MAST4: variants seen among roughly 807,000 people sequenced by gnomAD.
The protein encoded by MAST4 is microtubule-associated serine/threonine-protein kinase 4.
A neutral mutation model predicts 162.7 loss-of-function variants in MAST4; 89 were observed. That is an observed-to-expected ratio of 0.55 (90% confidence interval 0.46 to 0.65). The LOEUF (loss-of-function observed/expected upper bound fraction) is 0.65. Ranked by LOEUF, MAST4 falls within the 30% of genes least tolerant of loss-of-function variation. The pLI is 0.00. For synonymous variants in MAST4, 1,479 were observed against 1,361.1 expected (o/e 1.09, Z -1.91); for missense variants, 3,153 against 3,374.0 (o/e 0.93, Z 1.62).
At chr5:67,080,094 G>T (rs1387501145) in intron 5 of MAST4, among the ~76,000 whole-genome samples, 3 of 152,106 alleles carry the variant, frequency 2.0e-5, no homozygotes, top group African/African-American at 7.2e-5. Context: ...CGAAGCTTTG[G>T]CTTCATTAAA....
At chr5:66,644,045 T>TA (rs1745660265) in intron 1 of MAST4, among the ~76,000 whole-genome samples, 1 of 85,722 alleles carries the variant, frequency 1.2e-5, no homozygotes, top group South Asian at 6.0e-4. Context: ...TCTGTAAGCT[T>TA]TAAAAAAAAT....
At chr5:67,048,916 G>A (rs985183749) in intron 4 of MAST4, among the ~76,000 whole-genome samples, 1 of 148,472 alleles carries the variant, frequency 6.7e-6, no homozygotes, top group African/African-American at 2.5e-5. Context: ...CCTGTTATGT[G>A]ATACTACTAG....
chr5:66,997,147 A>G (rs1750732153), intron 4 of MAST4, among the ~76,000 whole-genome samples: 1 of 152,070 alleles, frequency 6.6e-6, no homozygotes, highest in African/African-American at 2.4e-5. Context: ...TTATAATTCA[A>G]ATATATCTAT....
intron 2 of MAST4, among the ~76,000 whole-genome samples, chr5:66,764,357 T>A (rs1381711490): frequency 6.6e-6 from 1 of 152,206 alleles, no homozygotes; most frequent in African/African-American, 2.4e-5. Context: ...TGGTGTCATA[T>A]CTGCTAATTT....
intron 1 of MAST4, among the ~76,000 whole-genome samples, chr5:66,741,959 G>T (rs1184211960): frequency 6.6e-6 from 1 of 152,188 alleles, no homozygotes. Context: ...TTGATCTACT[G>T]TAAGTTCAGG....
chr5:66,922,490 C>G (rs2150049890), intron 4 of MAST4, among the ~76,000 whole-genome samples: 1 of 152,256 alleles, frequency 6.6e-6, no homozygotes, highest in South Asian at 2.1e-4. Flanking sequence ...TTATGAATCC[C>G]CACAATACTT....
rs145842498 is a variant in MAST4, at chr5:66,699,723, A to T, written c.364-59986A>T. ...GGAGCTGAACAATGAGAACACATGGACACAGGGAGGGGAACAACACACACC... is the reference window on the plus strand; with the variant it reads ...GGAGCTGAACAATGAGAACACATGGTCACAGGGAGGGGAACAACACACACC... On this transcript the variant is annotated intron_variant, in intron 1 of 28. Transcript: ENST00000403625. Among the ~76,000 whole-genome samples the T allele has an allele frequency of 4.9e-3, 725 of 148,102 alleles. 8 individuals carry two copies. Among genetic ancestry groups the T allele is most frequent in the African/African-American group, 0.017 (699 of 40,798 alleles).
intron 1 of MAST4, among the ~76,000 whole-genome samples, chr5:66,749,604 A>G (rs1387546218): frequency 6.6e-6 from 1 of 152,242 alleles, no homozygotes; most frequent in Non-Finnish European, 1.5e-5. Flanking sequence ...TTACTACAGG[A>G]CAATGATATT....
At chr5:66,732,242 C>T (rs537676866) in intron 1 of MAST4, among the ~76,000 whole-genome samples, 1 of 152,046 alleles carries the variant, frequency 6.6e-6, no homozygotes, top group Non-Finnish European at 1.5e-5. Flanking sequence ...ACAAACTAGT[C>T]CCAACTTCCT....
intron 7 of MAST4, among the ~76,000 whole-genome samples, chr5:67,097,725 T>C (rs1181478143): frequency 6.6e-6 from 1 of 152,156 alleles, no homozygotes; most frequent in Non-Finnish European, 1.5e-5. Flanking sequence ...AGGCTCAATA[T>C]TCCTATTTTT....
chr5:67,146,761 G>T (rs185229707), intron 23 of MAST4, among the ~76,000 whole-genome samples: 7 of 152,092 alleles, frequency 4.6e-5, no homozygotes, highest in Non-Finnish European at 1.0e-4. Flanking sequence ...TTCATGTTGC[G>T]TAATTCCACT....
In MAST4 at chr5:67,167,195, A is replaced by C; in HGVS notation, c.*144A>C. 1.9e-6 allele frequency: 1 copy of C among 540,292 alleles called. No individual in the cohort carries two copies. The highest frequency in any genetic ancestry group is 2.9e-6 in the Non-Finnish European group (1 of 347,038). The allele number at this position is 540,292 out of a possible 1,614,324, so 33.5% of individuals were successfully genotyped here. ...TTGAGACAGGGGAGAGAGAAAGACA[A>C]AGAGGGGACCTTCTTCCAGATGCCT... On this transcript the variant is annotated 3_prime_UTR_variant, in exon 29 of 29. Transcript: ENST00000403625.
At chr5:66,822,311 G>A (rs1011440567) in intron 3 of MAST4, among the ~76,000 whole-genome samples, 5 of 152,152 alleles carry the variant, frequency 3.3e-5, no homozygotes, top group African/African-American at 1.2e-4. Flanking sequence ...TAAAAGGAAA[G>A]AGAATTAAGG....
intron 5 of MAST4, among the ~76,000 whole-genome samples, chr5:67,070,794 C>T (rs528609256): frequency 6.6e-6 from 1 of 152,102 alleles, no homozygotes; most frequent in Non-Finnish European, 1.5e-5. Flanking sequence ...AGGCAGGAGA[C>T]AGAAGGTGGA....
intron 1 of MAST4, among the ~76,000 whole-genome samples, chr5:66,628,814 A>G (rs1221517871): frequency 2.0e-5 from 3 of 152,210 alleles, no homozygotes; most frequent in African/African-American, 7.2e-5. Flanking sequence ...AAAGCAAAGC[A>G]GTTAGGAGAA....
intron 4 of MAST4, among the ~76,000 whole-genome samples, chr5:66,973,479 G>A (rs1440522970): frequency 6.6e-6 from 1 of 152,030 alleles, no homozygotes; most frequent in Non-Finnish European, 1.5e-5. Flanking sequence ...TTAGATTCAG[G>A]TTAAACATAT....
rs746931026 is a variant in MAST4 at position 67,166,875 on chromosome 5, G to T, written c.7696G>T (p.Ala2566Ser). Residue 2566 changes from alanine (A) to serine (S), a missense_variant, in exon 29 of 29, where the codon GCC becomes TCC. Ala to Ser is a moderately conservative substitution (Grantham distance 99). Transcript: ENST00000403625. ...TVGETKGKDP[A>S]PAQPPPARKQ... ...AGGGGAAACCAAAGGGAAGGACCCTGCCCCAGCCCAGCCTCCCCCAGCTAG... is the reference window on the plus strand; with the variant it reads ...AGGGGAAACCAAAGGGAAGGACCCTTCCCCAGCCCAGCCTCCCCCAGCTAG... 1.9e-6 allele frequency: 3 copies of T among 1,608,456 alleles called. No individual in the cohort carries two copies. The highest frequency in any genetic ancestry group is 1.3e-5 in the African/African-American group (1 of 74,738).
At chr5:66,690,392 A>G (rs1007082056) in intron 1 of MAST4, among the ~76,000 whole-genome samples, 2 of 152,184 alleles carry the variant, frequency 1.3e-5, no homozygotes, top group African/African-American at 2.4e-5. Flanking sequence ...ACAACCCTTA[A>G]TTGAGGAATT....
chr5:66,963,653 T>A (rs1581031495), intron 4 of MAST4: 1 of 778,176 alleles, frequency 1.3e-6, no homozygotes, highest in Non-Finnish European at 2.4e-6. Context: ...TGAGCTATGC[T>A]ATTTTTACTG....
Sources: allele counts gnomAD v4.1 joint callset (sites outside exome capture counted in the v4.1 genomes callset), GRCh38; gene constraint gnomAD v4.1.1; transcripts MANE v1.5; gene names NCBI Gene and HGNC (gene_info 2026-07-23, HGNC 2026-07-21).